Variants in KCNK10 observed in about 807,000 individuals in gnomAD.
KCNK10 encodes potassium two pore domain channel subfamily K member 10.
KCNK10 carries 25 observed loss-of-function variants against 47.7 expected under a neutral mutation model. The ratio of observed to expected loss-of-function variants is 0.52; its 90% CI spans 0.38 to 0.73. The LOEUF is 0.73. Ranked by LOEUF, KCNK10 falls within the 30% of genes least tolerant of loss-of-function variation. KCNK10 has a pLI of 0.00. For synonymous variants in KCNK10, 303 were observed against 285.6 expected, an observed-to-expected ratio of 1.06 and a Z score of -0.61; for missense variants, 563 against 714.5, an observed-to-expected ratio of 0.79 and a Z score of 2.42.
chr14:88,243,467 C>A (rs891900749), intron 2 of KCNK10, among the ~76,000 whole-genome samples: 2 of 152,188 alleles, frequency 1.3e-5, no homozygotes, highest in African/African-American at 4.8e-5. Flanking sequence ...ACCTAGAATG[C>A]ATGTTGCCTC....
Position 88,186,043 on chromosome 14 carries a change from G to A in KCNK10, c.1124C>T (p.Ala375Val), listed in dbSNP as rs746136567. ...VEIHDKLQRA[A>V]TIRSMERRRL... ...CCGGCGCTCCATGCTGCGGATGGTG[G>A]CCGCCCGCTGCAGCTTATCGTGGAT... is the stretch of plus-strand genomic sequence containing the variant. The change falls in exon 7 of 7, where the codon GCC (alanine) becomes GTC (valine). Residue 375 changes from alanine to valine, a missense_variant. By Grantham distance (64) the Ala-to-Val change is moderately conservative. Coordinates refer to ENST00000319231, the MANE Select transcript of KCNK10 (RefSeq NM_138317.3). The surrounding 1 kb of genome is among the most constrained non-coding windows in gnomAD (Gnocchi z 5.5). 5.6e-6 allele frequency: 9 copies of A among 1,613,132 alleles called. No individual in the cohort carries two copies. The Admixed American group carries it at 1.5e-4, about 27-fold the overall frequency.
intron 2 of KCNK10, 134 bp downstream of exon 2, chr14:88,263,068 C>T (rs1486802012): frequency 5.9e-6 from 4 of 681,470 alleles, no homozygotes; most frequent in African/African-American, 3.6e-5. Flanking sequence ...GCTCACATGT[C>T]ACCTCCCTGG....
intron 2 of KCNK10, among the ~76,000 whole-genome samples, chr14:88,244,055 GA>G: frequency 1.3e-5 from 2 of 152,152 alleles, no homozygotes; most frequent in East Asian, 3.9e-4. Context: ...CAATGAAAAG[GA>G]GAAAAATAAG....
intron 4 of KCNK10, among the ~76,000 whole-genome samples, chr14:88,207,301 C>A (rs1364311895): frequency 6.6e-6 from 1 of 151,626 alleles, no homozygotes; most frequent in Non-Finnish European, 1.5e-5. Flanking sequence ...GCCTCCCGAG[C>A]AGCTGGGACT....
intron 1 of KCNK10, among the ~76,000 whole-genome samples, chr14:88,275,621 G>A (rs1887510524): frequency 6.6e-6 from 1 of 150,698 alleles, no homozygotes; most frequent in South Asian, 2.1e-4. Context: ...GGCCGAGGCA[G>A]GGGATCACCT....
At chr14:88,209,375 C>T (rs1885383999) in intron 4 of KCNK10, among the ~76,000 whole-genome samples, 1 of 152,222 alleles carries the variant, frequency 6.6e-6, no homozygotes, top group Non-Finnish European at 1.5e-5. Context: ...GGTAAGATCA[C>T]ATGAGCACAT....
chr14:88,213,093 G>T (rs1301698146), intron 4 of KCNK10, among the ~76,000 whole-genome samples: 1 of 152,102 alleles, frequency 6.6e-6, no homozygotes, highest in Non-Finnish European at 1.5e-5. Flanking sequence ...AAGTATCAAT[G>T]ACTACTGACA....
chr14:88,201,075 C>T (rs1430482244), intron 4 of KCNK10, among the ~76,000 whole-genome samples: 1 of 152,138 alleles, frequency 6.6e-6, no homozygotes, highest in Non-Finnish European at 1.5e-5. Flanking sequence ...TGCAAGGAGG[C>T]TAGGGAGGTG....
intron 1 of KCNK10, among the ~76,000 whole-genome samples, chr14:88,286,009 C>CT (rs565956539): frequency 7.9e-5 from 12 of 152,256 alleles, no homozygotes; most frequent in African/African-American, 2.9e-4. Flanking sequence ...GATGCTCACT[C>CT]TTAGGATCCA....
chr14:88,250,092 C>T (rs1886752694), intron 2 of KCNK10, among the ~76,000 whole-genome samples: 1 of 152,156 alleles, frequency 6.6e-6, no homozygotes, highest in Non-Finnish European at 1.5e-5. Context: ...GCATTCACTT[C>T]TGGGTTTTGG....
intron 1 of KCNK10, among the ~76,000 whole-genome samples, chr14:88,304,094 T>C (rs1037593735): frequency 6.6e-6 from 1 of 152,076 alleles, no homozygotes; most frequent in Admixed American, 6.6e-5. Flanking sequence ...AGAAGGGGGA[T>C]GGCTTGAAAA....
In KCNK10 at chr14:88,322,895, A is replaced by G. The variant is rs971506155; in HGVS notation, c.-97T>C. On this transcript the variant is annotated 5_prime_UTR_variant, in exon 1 of 7. Coordinates refer to ENST00000319231, the MANE Select transcript of KCNK10 (RefSeq NM_138317.3). The surrounding 1 kb of genome is among the most constrained non-coding windows in gnomAD (Gnocchi z 4.8). ...CTCGGTTTAGCAGTCCAACAAAACA[A>G]TTTCCGAGGATGGGGGAGCCTTGGA... is the stretch of plus-strand genomic sequence containing the variant. 1.3e-5 allele frequency: 20 copies of G among 1,590,150 alleles called. No individual in the cohort carries two copies. Among genetic ancestry groups the G allele is most frequent in the Non-Finnish European group, 1.5e-5 (18 of 1,168,306 alleles).
chr14:88,326,177 A>ACC (rs753381748), upstream of KCNK10, among the ~76,000 whole-genome samples: 8 of 93,880 alleles, frequency 8.5e-5, no homozygotes, highest in Non-Finnish European at 1.2e-4. Context: ...AAAGCAAGTT[A>ACC]CCCGCCCCCC....
chr14:88,218,477 A>G (rs1287139798), intron 4 of KCNK10, among the ~76,000 whole-genome samples: 2 of 151,654 alleles, frequency 1.3e-5, no homozygotes, highest in East Asian at 3.9e-4. Context: ...ATGTTTTATT[A>G]TTTGTCAGTG....
chr14:88,314,024 A>G (rs970484851), intron 1 of KCNK10, among the ~76,000 whole-genome samples: 2 of 152,214 alleles, frequency 1.3e-5, no homozygotes, highest in African/African-American at 2.4e-5. Flanking sequence ...TCATTTGATC[A>G]TCTCAGCAAC....
intron 4 of KCNK10, among the ~76,000 whole-genome samples, chr14:88,227,056 A>G (rs1394829777): frequency 6.6e-6 from 1 of 152,222 alleles, no homozygotes; most frequent in African/African-American, 2.4e-5. Context: ...TTACAAACAC[A>G]ATGAGGAACC....
intron 4 of KCNK10, among the ~76,000 whole-genome samples, chr14:88,194,292 G>T (rs1285886158): frequency 6.6e-6 from 1 of 152,214 alleles, no homozygotes; most frequent in African/African-American, 2.4e-5. Flanking sequence ...GGAGGATTTT[G>T]TGAAGGCAGG....
intron 1 of KCNK10, among the ~76,000 whole-genome samples, chr14:88,278,163 G>T (rs926713357): frequency 6.6e-6 from 1 of 152,154 alleles, no homozygotes; most frequent in African/African-American, 2.4e-5. Flanking sequence ...CCAGCACTCA[G>T]GGGCTAGAGA....
intron 4 of KCNK10, among the ~76,000 whole-genome samples, chr14:88,219,333 G>C (rs778968989): frequency 1.3e-5 from 2 of 152,180 alleles, no homozygotes; most frequent in Non-Finnish European, 2.9e-5. Flanking sequence ...CTACGAATGG[G>C]ACCTGGTAAC....
Sources: gnomAD v4.1 joint callset for allele counts (sites outside exome capture counted in the v4.1 genomes callset) on GRCh38, gnomAD v4.1.1 for gene constraint, Gnocchi (gnomAD v3.1) non-coding constraint, MANE v1.5 for transcripts, NCBI Gene and HGNC (gene_info 2026-07-23, HGNC 2026-07-21) for gene names.